The following EML6 variants were observed in gnomAD, a reference collection of about 807,000 sequenced individuals.
EML6 encodes the protein echinoderm microtubule-associated protein-like 6.
EML6 carries 154 observed loss-of-function variants against 240.1 expected under a neutral mutation model. The ratio of observed to expected loss-of-function variants is 0.64; its 90% CI spans 0.56 to 0.73. The LOEUF is 0.73. Among genes scored for constraint, EML6 ranks in the 30% least tolerant of loss-of-function variants. The probability of loss-of-function intolerance (pLI) is 0.00; values close to 1 mark genes in which losing one functional copy is unlikely to be tolerated. For missense variants in EML6, 2,964 were observed against 2,474.6 expected (o/e 1.20, Z -4.20); for synonymous variants, 1,148 against 899.0 (o/e 1.28, Z -4.95).
chr2:54,923,390 CA>C (rs1674367955), intron 26 of EML6, among the ~76,000 whole-genome samples: 3 of 151,602 alleles, frequency 2.0e-5, no homozygotes, highest in South Asian at 4.2e-4. Context: ...CACACACACA[CA>C]CACACACACA....
chr2:54,968,912 C>A, intron 41 of EML6, 144 bp downstream of exon 41: 1 of 590,916 alleles, frequency 1.7e-6, no homozygotes, highest in Non-Finnish European at 3.0e-6. Flanking sequence ...CATGAGTCCT[C>A]ATGAAGGCAA....
At chr2:54,953,046 C>G (rs1461569901) in intron 31 of EML6, among the ~76,000 whole-genome samples, 3 of 152,058 alleles carry the variant, frequency 2.0e-5, no homozygotes, top group Non-Finnish European at 4.4e-5. Flanking sequence ...GTGCCTGGAC[C>G]CCCTGTGCCC....
At chr2:54,821,763 T>G (rs538661575) in intron 5 of EML6, among the ~76,000 whole-genome samples, 1 of 152,208 alleles carries the variant, frequency 6.6e-6, no homozygotes, top group South Asian at 2.1e-4. Flanking sequence ...AGGCACAAAT[T>G]TATCAATTTT....
chr2:54,945,309 C>T (rs1294728473), intron 28 of EML6, among the ~76,000 whole-genome samples: 2 of 133,892 alleles, frequency 1.5e-5, no homozygotes, highest in East Asian at 2.4e-4. Flanking sequence ...CTCCCCTCCC[C>T]CTCCCCTTTG....
chr2:54,925,296 G>A lies in EML6; in HGVS notation c.3676-3017G>A, dbSNP rs182855548. Among the ~76,000 whole-genome samples the A allele has an allele frequency of 1.7e-4, 26 of 152,262 alleles. No homozygotes were observed. In the South Asian group the frequency reaches 5.2e-3, roughly 30 times the overall value. The stretch of plus-strand genomic sequence containing the variant: ...CCAAATTGGCCAGCACCTTCATCTT[G>A]CCCAGCCTCTAAAACTGTGAGAAAT... On this transcript the variant is annotated intron_variant, in intron 26 of 41. Transcript: ENST00000356458.
chr2:54,831,706 C>A (rs1384298037), intron 7 of EML6, among the ~76,000 whole-genome samples: 1 of 152,104 alleles, frequency 6.6e-6, no homozygotes, highest in East Asian at 1.9e-4. Context: ...AAGGCGGTAG[C>A]CTGCATTTTG....
intron 24 of EML6, among the ~76,000 whole-genome samples, chr2:54,907,819 CAG>C (rs1673399045): frequency 1.3e-5 from 2 of 152,096 alleles, no homozygotes; most frequent in Non-Finnish European, 2.9e-5. Flanking sequence ...TAAATGCAAA[CAG>C]AGTTTTTGTT....
At chr2:54,869,779 A>G (rs1671157161) in intron 15 of EML6, among the ~76,000 whole-genome samples, 1 of 152,162 alleles carries the variant, frequency 6.6e-6, no homozygotes, top group Non-Finnish European at 1.5e-5. Flanking sequence ...AAACCATAAG[A>G]CTTTTGACTA....
chr2:54,919,132 C>A (rs547969947), intron 26 of EML6, among the ~76,000 whole-genome samples: 1 of 152,006 alleles, frequency 6.6e-6, no homozygotes, highest in Non-Finnish European at 1.5e-5. Flanking sequence ...TCTGTTTTCT[C>A]CTTTGCGGTT....
At chr2:54,822,569 A>G (rs1490187339) in intron 5 of EML6, among the ~76,000 whole-genome samples, 1 of 152,216 alleles carries the variant, frequency 6.6e-6, no homozygotes, top group Non-Finnish European at 1.5e-5. Context: ...CTGTACAATC[A>G]TAAGTTATGT....
At position 54,879,590 on chromosome 2, in the gene EML6, C is replaced by T; in HGVS notation, c.2388C>T (p.His796=). 2 of 1,551,934 alleles carry T rather than the reference C, an allele frequency of 1.3e-6. No homozygotes were observed. The highest frequency in any genetic ancestry group is 1.7e-6 in the Non-Finnish European group (2 of 1,146,922). Residue 796 remains histidine (H), a synonymous_variant, in exon 17 of 42, where the codon CAC becomes CAT. Coordinates refer to ENST00000356458, the MANE Select transcript of EML6 (RefSeq NM_001039753.4). ...TGTCGGTTGGTTTAGACGATTTTCA[C>T]AGTATTGTATTTTGGGACTGGAAAA... The part of the protein sequence containing the change: ...CLVSVGLDDF[H]SIVFWDWKKG...
In EML6 at chr2:54,795,826, A is replaced by G. The variant is rs545956772; in HGVS notation, c.198-17406A>G. Among the ~76,000 whole-genome samples, 17 of 152,370 alleles carry G rather than the reference A, an allele frequency of 1.1e-4. No homozygotes were observed. The South Asian group carries it at 2.7e-3, about 24-fold the overall frequency. On this transcript the variant is annotated intron_variant, in intron 2 of 41. Coordinates refer to ENST00000356458, the MANE Select transcript of EML6 (RefSeq NM_001039753.4). ...TGAAAACGCTGATGAATGCAGAGGC[A>G]TAGATTAGGGTATTAGGCAGCTACA... is the stretch of plus-strand genomic sequence containing the variant.
intron 30 of EML6, among the ~76,000 whole-genome samples, 184 bp downstream of exon 30, chr2:54,950,963 C>G (rs79796495): frequency 0.019 from 2,907 of 152,246 alleles, 85 homozygotes; most frequent in African/African-American, 0.06. Flanking sequence ...AGAGCCTTCT[C>G]TCTTTCTGAC....
chr2:54,886,139 CTTTTTTTTTTTTTTAACCTTCTT>C (rs924503936), intron 17 of EML6, among the ~76,000 whole-genome samples: 9 of 125,464 alleles, frequency 7.2e-5, no homozygotes, highest in African/African-American at 1.5e-4. Flanking sequence ...CAAATGTTTC[CTTTTTTTTTTTTTTAACCTTCTT>C]TTTTTTTTTT....
chr2:54,869,227 G>A lies in EML6; in HGVS notation c.2098G>A (p.Gly700Arg). ...AAACAATCTGTTCTACACACAAGCT[G>A]GAGAAGTAGTCTACCACATTGCTGC... is the stretch of plus-strand genomic sequence containing the variant. ...CRNNLFYTQA[G>R]EVVYHIAAVA... is the part of the protein sequence containing the mutation. Residue 700 changes from glycine to arginine, a missense_variant, in exon 15 of 42, where the codon GGA becomes AGA. Gly to Arg is a moderately radical substitution (Grantham distance 125, BLOSUM62 -2). Coordinates refer to ENST00000356458, the MANE Select transcript of EML6 (RefSeq NM_001039753.4). The A allele has an allele frequency of 1.9e-6, 3 of 1,551,706 alleles. No homozygotes were observed. The highest frequency in any genetic ancestry group is 1.7e-6 in the Non-Finnish European group (2 of 1,146,882).
At chr2:54,959,567 GC>G (rs1676400045) in intron 34 of EML6, among the ~76,000 whole-genome samples, 1 of 152,114 alleles carries the variant, frequency 6.6e-6, no homozygotes. Context: ...TTCAAAACCA[GC>G]CTGGTCAACA....
chr2:54,888,761 C>A (rs1157488213), intron 17 of EML6, among the ~76,000 whole-genome samples: 1 of 152,198 alleles, frequency 6.6e-6, no homozygotes, highest in African/African-American at 2.4e-5. Context: ...TTTACCCATT[C>A]ACCTGCTGAA....
At chr2:54,952,003 T>C (rs2104492420) in intron 30 of EML6, among the ~76,000 whole-genome samples, 1 of 152,326 alleles carries the variant, frequency 6.6e-6, no homozygotes, top group Admixed American at 6.5e-5. Context: ...CTTTGATAGA[T>C]GGTAAAGTGC....
At chr2:54,739,494 T>G (rs1186779982) in intron 2 of EML6, among the ~76,000 whole-genome samples, 1 of 152,216 alleles carries the variant, frequency 6.6e-6, no homozygotes, top group East Asian at 1.9e-4. Flanking sequence ...GACCCCCAGG[T>G]TAAGAAACCC....
Sources: allele counts gnomAD v4.1 joint callset (sites outside exome capture counted in the v4.1 genomes callset), GRCh38; gene constraint gnomAD v4.1.1; transcripts MANE v1.5; gene names NCBI Gene and HGNC (gene_info 2026-07-23, HGNC 2026-07-21).